Variants in PDZD9 observed in about 807,000 individuals in gnomAD.
PDZD9 encodes the protein PDZ domain containing 9, also known as PDZ domain-containing protein 9.
PDZD9 carries 13 observed loss-of-function variants against 16.3 expected under a neutral mutation model. That is an observed-to-expected ratio of 0.80 (90% CI 0.52 to 1.27). PDZD9 has a LOEUF of 1.27. PDZD9 is among the 50% of genes most tolerant of loss of function. The pLI, the probability that PDZD9 is intolerant of heterozygous loss-of-function variation, is 0.00. For missense variants in PDZD9, 288 were observed against 310.9 expected (o/e 0.93, Z 0.55); for synonymous variants, 120 against 111.0 (o/e 1.08, Z -0.51).
the PDZD9 span, chr16:21,968,491 G>C: frequency 1.6e-6 from 1 of 613,706 alleles, no homozygotes; most frequent in East Asian, 3.1e-5. Flanking sequence ...ATTCACCTCA[G>C]TTAGTACCTT....
the PDZD9 span, chr16:21,962,809 T>G: frequency 3.7e-6 from 6 of 1,614,032 alleles, no homozygotes; most frequent in Non-Finnish European, 3.4e-6. Context: ...CACCAGAATT[T>G]CGTCGTTGGG....
chr16:22,000,127 C>CCAAGAATT (rs1251986077), intron 1 of PDZD9, among the ~76,000 whole-genome samples: 1 of 152,094 alleles, frequency 6.6e-6, no homozygotes, highest in Non-Finnish European at 1.5e-5. Flanking sequence ...TTGCTTGAGC[C>CCAAGAATT]CAAGAATTGG....
the PDZD9 span, chr16:21,976,468 GTTC>G: frequency 2.4e-6 from 1 of 417,470 alleles, no homozygotes; most frequent in South Asian, 3.3e-5. Flanking sequence ...AAGGCAGGTG[GTTC>G]ATTTGAGACC....
the PDZD9 span, chr16:21,968,774 A>AT: frequency 2.5e-6 from 3 of 1,222,928 alleles, no homozygotes; most frequent in Non-Finnish European, 3.4e-6. Context: ...ATTGAACAAA[A>AT]TTTGAAAACT....
intron 2 of PDZD9, among the ~76,000 whole-genome samples, chr16:21,992,673 C>G (rs780085311): frequency 6.6e-6 from 1 of 152,184 alleles, no homozygotes; most frequent in African/African-American, 2.4e-5. Flanking sequence ...CTTGGACTTA[C>G]ACCAGTGTTT....
chr16:21,968,227 C>T, the PDZD9 span, among the ~76,000 whole-genome samples: 5 of 152,102 alleles, frequency 3.3e-5, no homozygotes, highest in Non-Finnish European at 5.9e-5. Flanking sequence ...GTCTCAAACT[C>T]GTGGCCTCAA....
At chr16:21,969,863 A>C in the PDZD9 span, among the ~76,000 whole-genome samples, 1 of 147,942 alleles carries the variant, frequency 6.8e-6, no homozygotes, top group Non-Finnish European at 1.5e-5. Context: ...CCACTAATCT[A>C]CTTTGTTTTT....
intron 2 of PDZD9, 70 bp from the exon 3 acceptor site, chr16:21,988,861 A>C: frequency 8.4e-7 from 1 of 1,197,578 alleles, no homozygotes; most frequent in Admixed American, 3.0e-5. Context: ...TTCTGGCTTT[A>C]TTGTGAGGTA....
chr16:21,988,503 G>A lies in PDZD9; in HGVS notation c.401+99C>T, dbSNP rs549109405. On this transcript the variant is annotated intron_variant, in intron 3 of 3. Coordinates refer to ENST00000424898, the MANE Select transcript of PDZD9 (RefSeq NM_001363519.1). ...ACAGTGTCACCAGTCCTCCTGTCAT[G>A]ATCCTTATCATTTGATAATTGTCAC... 77 of 1,023,528 alleles carry A rather than the reference G, an allele frequency of 7.5e-5. 1 individual carries two copies. The South Asian group carries it at 1.2e-3, about 16-fold the overall frequency. The allele number at this position is 1,023,528 out of a possible 1,614,324, so 63.4% of individuals were successfully genotyped here. A position where few individuals can be genotyped will look rare whatever the true frequency, so the allele number is the denominator to read the frequency against.
At chr16:21,999,251 G>T in intron 1 of PDZD9, 1 of 216,254 alleles carries the variant, frequency 4.6e-6, no homozygotes, top group South Asian at 8.9e-5. Flanking sequence ...AGGGCCCAGT[G>T]GCAGGGACCC....
At chr16:21,964,466 C>T in the PDZD9 span, among the ~76,000 whole-genome samples, 2 of 152,118 alleles carry the variant, frequency 1.3e-5, no homozygotes, top group African/African-American at 4.8e-5. Context: ...ACGTATATGG[C>T]CTTGCGTGAT....
chr16:21,982,918 C>T (rs908886036), downstream of PDZD9, among the ~76,000 whole-genome samples: 5 of 147,314 alleles, frequency 3.4e-5, no homozygotes, highest in African/African-American at 7.6e-5. Context: ...GAGCCAAGAT[C>T]GCAGCACTGC....
the PDZD9 span, chr16:21,977,000 T>G: frequency 6.6e-6 from 1 of 150,524 alleles, no homozygotes; most frequent in Non-Finnish European, 1.5e-5. Flanking sequence ...CCAACTAAGT[T>G]AAGAGTTATA....
chr16:22,000,353 A>G (rs2141966115), intron 1 of PDZD9, among the ~76,000 whole-genome samples: 1 of 146,322 alleles, frequency 6.8e-6, no homozygotes, highest in African/African-American at 2.6e-5. Flanking sequence ...TCTCCATGGA[A>G]AAGGCAAAAA....
chr16:21,988,928 CTTTTT>C (rs60488437), intron 2 of PDZD9, 137 bp from the exon 3 acceptor site: 616 of 344,372 alleles, frequency 1.8e-3, no homozygotes, highest in Middle Eastern at 3.3e-3. Context: ...AGGCTTCAGC[CTTTTT>C]TTTTTTTTTT....
the PDZD9 span, chr16:21,959,422 T>C: frequency 9.6e-6 from 2 of 207,680 alleles, no homozygotes; most frequent in South Asian, 6.8e-5. Context: ...TCTCCTCATC[T>C]GTTCAAGCTT....
intron 2 of PDZD9, among the ~76,000 whole-genome samples, chr16:21,994,383 A>C (rs1299253754): frequency 6.6e-6 from 1 of 152,214 alleles, no homozygotes; most frequent in Non-Finnish European, 1.5e-5. Context: ...CTTTCTCACC[A>C]TGGCGCCAGC....
At chr16:21,972,164 G>T in the PDZD9 span, 23 of 1,572,082 alleles carry the variant, frequency 1.5e-5, no homozygotes, top group East Asian at 4.9e-4. Flanking sequence ...GCTTTCAAAG[G>T]CTCAGTATTT....
In PDZD9 at chr16:21,988,705, CA is replaced by C; in HGVS notation, c.297del (p.Ile99MetfsTer26). ...EFLQLLQHIT[I>X]GTVLQIKVYR... ...TAAACCTTGATTTGTAGCACTGTTC[CA>C]ATAGTGATATGTTGCAAAAGCTGTA... is the stretch of plus-strand genomic sequence containing the variant. On this transcript the variant is annotated frameshift_variant, in exon 3 of 4. Transcript: ENST00000424898. LOFTEE classifies it high-confidence loss of function. The C allele has an allele frequency of 6.2e-7, 1 of 1,612,474 alleles. No individual in the cohort carries two copies. Among genetic ancestry groups the C allele is most frequent in the Non-Finnish European group, 8.5e-7 (1 of 1,178,776 alleles).
Sources: gnomAD v4.1 joint callset for allele counts (sites outside exome capture counted in the v4.1 genomes callset) on GRCh38, gnomAD v4.1.1 for gene constraint, MANE v1.5 for transcripts, NCBI Gene and HGNC (gene_info 2026-07-23, HGNC 2026-07-21) for gene names.